Variants in LDLRAD3 observed in about 807,000 individuals in gnomAD.
LDLRAD3 encodes low-density lipoprotein receptor class A domain-containing protein 3.
A neutral mutation model predicts 29.4 loss-of-function variants in LDLRAD3; 20 were observed. The ratio of observed to expected loss-of-function variants is 0.68; its 90% CI spans 0.48 to 0.99. The LOEUF (loss-of-function observed/expected upper bound fraction) is 0.99. Among genes scored for constraint, LDLRAD3 ranks in the 50% least tolerant of loss-of-function variants. LDLRAD3 has a pLI of 0.00. For missense variants in LDLRAD3, 420 were observed against 454.3 expected (o/e 0.92, Z 0.69); for synonymous variants, 157 against 192.7 (o/e 0.81, Z 1.53).
chr11:35,985,285 G>A (rs1851601100), intron 1 of LDLRAD3, among the ~76,000 whole-genome samples: 2 of 152,182 alleles, frequency 1.3e-5, no homozygotes, highest in Non-Finnish European at 2.9e-5. Context: ...TGGTTCTGTG[G>A]ATTCCCTATT....
At chr11:36,111,155 A>G (rs1344513009) in intron 4 of LDLRAD3, among the ~76,000 whole-genome samples, 5 of 152,110 alleles carry the variant, frequency 3.3e-5, no homozygotes, top group Admixed American at 3.3e-4. Context: ...GAGATGTTCA[A>G]CCCTGGAAAA....
At chr11:36,085,862 G>A (rs965852556) in intron 3 of LDLRAD3, among the ~76,000 whole-genome samples, 3 of 151,794 alleles carry the variant, frequency 2.0e-5, no homozygotes, top group Admixed American at 6.6e-5. Context: ...CAAGTGATCC[G>A]CCCGCCTCAG....
chr11:35,967,635 C>T (rs1284880282), intron 1 of LDLRAD3: 3 of 471,382 alleles, frequency 6.4e-6, no homozygotes, highest in African/African-American at 6.0e-5. Context: ...TCTGTGACTC[C>T]AGAGGAGTCA....
intron 1 of LDLRAD3, among the ~76,000 whole-genome samples, chr11:35,961,895 C>T (rs758773557): frequency 7.2e-5 from 11 of 152,034 alleles, no homozygotes; most frequent in East Asian, 1.9e-4. Context: ...GTGTTACAAA[C>T]GATCCAATTA....
intron 1 of LDLRAD3, among the ~76,000 whole-genome samples, chr11:35,962,260 G>T (rs2133136559): frequency 6.6e-6 from 1 of 152,186 alleles, no homozygotes; most frequent in African/African-American, 2.4e-5. Flanking sequence ...AGTTCTAGGG[G>T]TATTCTCTTT....
chr11:36,150,955 A>G (rs990150352), intron 4 of LDLRAD3, among the ~76,000 whole-genome samples: 2 of 152,072 alleles, frequency 1.3e-5, no homozygotes, highest in African/African-American at 4.8e-5. Flanking sequence ...CAAACACACA[A>G]TAGCCCCTCA....
At chr11:36,142,578 T>G (rs183600568) in intron 4 of LDLRAD3, among the ~76,000 whole-genome samples, 1 of 152,156 alleles carries the variant, frequency 6.6e-6, no homozygotes, top group Non-Finnish European at 1.5e-5. Context: ...ACCCACTGTC[T>G]GGTTCCCGCC....
At chr11:36,066,788 T>C (rs114281318) in intron 2 of LDLRAD3, among the ~76,000 whole-genome samples, 1 of 152,186 alleles carries the variant, frequency 6.6e-6, no homozygotes, top group African/African-American at 2.4e-5. Context: ...CCCTCAGGGC[T>C]GTTGGGGGGA....
At chr11:36,035,971 G>A in intron 1 of LDLRAD3, 132 bp from the exon 2 acceptor site, 2 of 786,360 alleles carry the variant, frequency 2.5e-6, no homozygotes, top group Non-Finnish European at 4.0e-6. Flanking sequence ...CACAGATGAG[G>A]AAACTGAAGG....
intron 4 of LDLRAD3, among the ~76,000 whole-genome samples, chr11:36,223,639 G>A (rs1180222768): frequency 1.3e-5 from 2 of 152,036 alleles, no homozygotes; most frequent in Admixed American, 6.6e-5. Flanking sequence ...AAGGTGGCTC[G>A]AGCCCAGGAG....
chr11:36,178,824 G>A (rs1057130246), intron 4 of LDLRAD3, among the ~76,000 whole-genome samples: 3 of 152,154 alleles, frequency 2.0e-5, no homozygotes, highest in African/African-American at 7.2e-5. Context: ...AACATCCATA[G>A]CATGTAATTT....
At chr11:36,027,076 A>G (rs1852176567) in intron 1 of LDLRAD3, among the ~76,000 whole-genome samples, 2 of 152,192 alleles carry the variant, frequency 1.3e-5, no homozygotes, top group Non-Finnish European at 2.9e-5. Context: ...TTCCAGTAAC[A>G]AAAGTGTGTG....
chr11:36,038,483 C>T (rs772703312), intron 2 of LDLRAD3, among the ~76,000 whole-genome samples: 2 of 152,164 alleles, frequency 1.3e-5, no homozygotes, highest in South Asian at 2.1e-4. Context: ...TCTGAAAGAA[C>T]GCAGGATTAA....
chr11:36,111,046 C>T (rs552695386), intron 4 of LDLRAD3, among the ~76,000 whole-genome samples: 10 of 152,162 alleles, frequency 6.6e-5, no homozygotes, highest in South Asian at 2.1e-4. Context: ...GAGTGGGAGA[C>T]GTGAAACTGT....
At chr11:36,001,612 A>G (rs1851825458) in intron 1 of LDLRAD3, among the ~76,000 whole-genome samples, 1 of 152,132 alleles carries the variant, frequency 6.6e-6, no homozygotes, top group Admixed American at 6.5e-5. Flanking sequence ...CTCCCCTACA[A>G]TCGTAAAAAA....
At chr11:36,076,207 T>A (rs546402420) in intron 2 of LDLRAD3, among the ~76,000 whole-genome samples, 2 of 140,484 alleles carry the variant, frequency 1.4e-5, no homozygotes, top group Admixed American at 1.5e-4. Flanking sequence ...TTTATTTTTG[T>A]CTGTCTGTCC....
intron 3 of LDLRAD3, among the ~76,000 whole-genome samples, chr11:36,093,596 C>T (rs1465619185): frequency 6.6e-6 from 1 of 152,192 alleles, no homozygotes; most frequent in Non-Finnish European, 1.5e-5. Flanking sequence ...GGCAGTGACG[C>T]TCCCTGCCCC....
At chr11:36,225,335 A>G (rs1855484168) in intron 4 of LDLRAD3, among the ~76,000 whole-genome samples, 1 of 152,198 alleles carries the variant, frequency 6.6e-6, no homozygotes, top group African/African-American at 2.4e-5. Flanking sequence ...CTCTCTGTAA[A>G]GATGAGGGGT....
chr11:36,109,023 A>T (rs1853570876), intron 4 of LDLRAD3, among the ~76,000 whole-genome samples: 1 of 152,070 alleles, frequency 6.6e-6, no homozygotes, highest in African/African-American at 2.4e-5. Flanking sequence ...AGGATGGTGG[A>T]GGATGGTGGA....
Sources: gnomAD v4.1 joint callset for allele counts (sites outside exome capture counted in the v4.1 genomes callset) on GRCh38, gnomAD v4.1.1 for gene constraint, MANE v1.5 for transcripts, NCBI Gene and HGNC (gene_info 2026-07-23, HGNC 2026-07-21) for gene names.